The following XPO6 variants were observed in gnomAD, a reference collection of about 807,000 sequenced individuals.
The protein encoded by XPO6 is exportin-6.
XPO6 carries 3 observed loss-of-function variants against 130.0 expected under a neutral mutation model. The ratio of observed to expected loss-of-function variants is 0.02; its 90% CI spans 0.01 to 0.06. The LOEUF is 0.06. Ranked by LOEUF, XPO6 falls within the 10% of genes least tolerant of loss-of-function variation. The pLI, the probability that XPO6 is intolerant of heterozygous loss-of-function variation, is 1.00. For missense variants in XPO6, 970 were observed against 1,393.0 expected (o/e 0.70, Z 4.83); for synonymous variants, 524 against 548.9 (o/e 0.95, Z 0.63).
At chr16:28,201,708 T>C (rs1567652252) in intron 1 of XPO6, among the ~76,000 whole-genome samples, 2 of 151,912 alleles carry the variant, frequency 1.3e-5, no homozygotes, top group Admixed American at 6.6e-5. Flanking sequence ...TACAAAAAAT[T>C]AGCCAGGCGT....
chr16:28,207,191 T>G (rs1274873391), intron 1 of XPO6, among the ~76,000 whole-genome samples: 1 of 149,256 alleles, frequency 6.7e-6, no homozygotes, highest in Non-Finnish European at 1.5e-5. Context: ...GAGGTTGCAG[T>G]AAGCCAAGAT....
At chr16:28,207,870 C>T (rs554399077) in intron 1 of XPO6, among the ~76,000 whole-genome samples, 2 of 152,294 alleles carry the variant, frequency 1.3e-5, no homozygotes, top group Admixed American at 6.5e-5. Context: ...CTTGGCCAGG[C>T]GCAGTGGCTC....
At chr16:28,211,339 A>G (rs575386177) in intron 1 of XPO6, 27 bp downstream of exon 1, 6 of 1,311,956 alleles carry the variant, frequency 4.6e-6, no homozygotes, top group Non-Finnish European at 5.9e-6. Flanking sequence ...GCACCCCAGG[A>G]GGGAAGGGGG....
chr16:28,098,703 C>A (rs1255692093), intron 23 of XPO6, 64 bp from the exon 24 acceptor site: 79 of 1,215,218 alleles, frequency 6.5e-5, no homozygotes, highest in Non-Finnish European at 9.1e-5. Context: ...CAGACCCCAA[C>A]AGCTACTTCC....
chr16:28,168,269 G>A (rs573623305), intron 5 of XPO6, among the ~76,000 whole-genome samples: 17 of 152,236 alleles, frequency 1.1e-4, no homozygotes, highest in Non-Finnish European at 2.2e-4. Flanking sequence ...AGGATCACTT[G>A]AGCCTAAGAG....
At chr16:28,195,613 T>G (rs1596965410) in intron 1 of XPO6, among the ~76,000 whole-genome samples, 2 of 151,912 alleles carry the variant, frequency 1.3e-5, no homozygotes, top group East Asian at 3.9e-4. Flanking sequence ...ATTAGCCAGG[T>G]GTGGTGGCGT....
chr16:28,202,652 C>T lies in XPO6; in HGVS notation c.3+8714G>A, dbSNP rs150655211. Among the ~76,000 whole-genome samples the T allele has an allele frequency of 3.5e-4, 54 of 152,288 alleles. No homozygotes were observed. In the East Asian group the frequency reaches 8.9e-3, roughly 25 times the overall value. On this transcript the variant is annotated intron_variant, in intron 1 of 23. Coordinates refer to ENST00000304658, the MANE Select transcript of XPO6 (RefSeq NM_015171.4). Reference sequence around the variant, plus strand: ...GGTCATTAACAGAACCAGGGCAAGACAGAGGAGGCACTAACCTGAGAGGAA... The same window carrying T: ...GGTCATTAACAGAACCAGGGCAAGATAGAGGAGGCACTAACCTGAGAGGAA...
intron 6 of XPO6, among the ~76,000 whole-genome samples, chr16:28,163,265 T>G (rs1027038817): frequency 6.6e-6 from 1 of 152,196 alleles, no homozygotes; most frequent in East Asian, 1.9e-4. Context: ...ATGAAAAGAT[T>G]TGCATGAAGA....
intron 12 of XPO6, chr16:28,126,753 T>TCAGAGACCTGCAGGAA (rs1287827090): frequency 3.3e-5 from 5 of 152,248 alleles, no homozygotes; most frequent in African/African-American, 1.2e-4. Context: ...GTAAGAATTT[T>TCAGAGACCTGCAGGAA]CAGAGACCTG....
chr16:28,198,393 CAACT>C (rs1368705344), intron 1 of XPO6, among the ~76,000 whole-genome samples: 6 of 151,708 alleles, frequency 4.0e-5, no homozygotes, highest in African/African-American at 1.5e-4. Flanking sequence ...AGGATAATAA[CAACT>C]AAGCAAAATC....
chr16:28,202,634 A>C (rs1379943231), intron 1 of XPO6, among the ~76,000 whole-genome samples: 1 of 152,224 alleles, frequency 6.6e-6, no homozygotes, highest in Non-Finnish European at 1.5e-5. Flanking sequence ...TGAGGTCATT[A>C]ACAGAACCAG....
chr16:28,176,185 A>C, intron 3 of XPO6, 90 bp from the exon 4 acceptor site: 1 of 1,174,240 alleles, frequency 8.5e-7, no homozygotes, highest in Admixed American at 2.2e-5. Context: ...TCACTTCAAT[A>C]AACAAGAATC....
chr16:28,131,924 G>C (rs894963845), intron 12 of XPO6, among the ~76,000 whole-genome samples: 1 of 152,242 alleles, frequency 6.6e-6, no homozygotes. Flanking sequence ...TGCAACAGGT[G>C]CAGGGGGCAG....
At chr16:28,189,337 G>A (rs541712226) in intron 1 of XPO6, among the ~76,000 whole-genome samples, 1 of 151,368 alleles carries the variant, frequency 6.6e-6, no homozygotes, top group Admixed American at 6.6e-5. Flanking sequence ...AAAAAGTGGT[G>A]AAGCCCACTG....
Position 28,132,532 on chromosome 16 carries a change from A to G in XPO6, c.1537-129T>C. The G allele has an allele frequency of 1.6e-6, 1 of 618,082 alleles. No homozygotes were observed. The highest frequency in any genetic ancestry group is 2.3e-5 in the South Asian group (1 of 44,362). The allele number at this position is 618,082 out of a possible 1,614,324, so 38.3% of individuals were successfully genotyped here. A position where few individuals can be genotyped will look rare whatever the true frequency, so the allele number is the denominator to read the frequency against. Reference sequence around the variant, plus strand: ...CAGGATCAAAACCTTTTCTCTGGGAACCTTTAAATGCAGCTAAAAAGCTAT... The same window carrying G: ...CAGGATCAAAACCTTTTCTCTGGGAGCCTTTAAATGCAGCTAAAAAGCTAT... On this transcript the variant is annotated intron_variant, in intron 11 of 23. Transcript: ENST00000304658. This position sits in a 1 kb window ranked among gnomAD's most constrained non-coding sequence, Gnocchi z 4.0.
intron 21 of XPO6, 177 bp from the exon 22 acceptor site, chr16:28,102,122 C>G (rs928873390): frequency 1.8e-6 from 1 of 568,788 alleles, no homozygotes; most frequent in East Asian, 3.0e-5. Context: ...TTTTCCCCAC[C>G]GGGCCTTGCT....
rs1248376005 is a variant in XPO6, at chr16:28,182,920, G to T, written c.4-1889C>A. Among the ~76,000 whole-genome samples the T allele has an allele frequency of 1.3e-5, 2 of 152,132 alleles. 1 individual carries two copies. Among genetic ancestry groups the T allele is most frequent in the South Asian group, 4.1e-4 (2 of 4,830 alleles). ...AGGATTTGCTATTTAAAATAAAAAG[G>T]CTGTGGGAAGATGCAGAAGAATCAA... is the stretch of plus-strand genomic sequence containing the variant. On this transcript the variant is annotated intron_variant, in intron 1 of 23. Transcript: ENST00000304658.
chr16:28,155,549 T>A (rs2043170782), intron 7 of XPO6: 1 of 156,036 alleles, frequency 6.4e-6, no homozygotes, highest in Non-Finnish European at 1.4e-5. Flanking sequence ...TGTGCACACA[T>A]TAACATCCCT....
chr16:28,113,089 T>C (rs778376005), intron 15 of XPO6, 39 bp from the exon 16 acceptor site: 3 of 1,593,710 alleles, frequency 1.9e-6, no homozygotes, highest in Admixed American at 3.5e-5. Flanking sequence ...ACCACATCCC[T>C]GTAAGACTGG....
Sources: allele counts gnomAD v4.1 joint callset (sites outside exome capture counted in the v4.1 genomes callset), GRCh38; gene constraint gnomAD v4.1.1; non-coding constraint Gnocchi (gnomAD v3.1); transcripts MANE v1.5; gene names NCBI Gene and HGNC (gene_info 2026-07-23, HGNC 2026-07-21).